FRMPD4: variants seen among roughly 807,000 people sequenced by gnomAD.
FRMPD4 encodes the protein FERM and PDZ domain containing 4, also known as FERM and PDZ domain-containing protein 4.
In FRMPD4, 22 loss-of-function variants were observed where a neutral mutation model predicts 94.1. That is an observed-to-expected ratio of 0.23 (90% confidence interval 0.17 to 0.33). FRMPD4 has a LOEUF of 0.33. Ranked by LOEUF, FRMPD4 falls within the 10% of genes least tolerant of loss-of-function variation. FRMPD4 has a pLI of 1.00. For synonymous variants in FRMPD4, 631 were observed against 548.6 expected (o/e 1.15, Z -2.10); for missense variants, 1,111 against 1,339.9 (o/e 0.83, Z 2.67).
rs374346475 is a variant in FRMPD4 at position 12,506,021 on chromosome X, C to T, written c.158+7225C>T. 8.9e-5 allele frequency among the ~76,000 whole-genome samples: 10 copies of T among 111,850 alleles called. No individual in the cohort carries two copies. The East Asian group carries it at 2.8e-3, about 32-fold the overall frequency. ...TCACATATTTGCTGCACGGAGCATG[C>T]CCTCCGGCTGCTCCATAAACACAGG... On this transcript the variant is annotated intron_variant, in intron 2 of 16. Coordinates refer to ENST00000675598, the MANE Select transcript of FRMPD4 (RefSeq NM_001368397.1).
chrX:12,644,701 C>T (rs2059532003), intron 4 of FRMPD4, among the ~76,000 whole-genome samples: 1 of 111,912 alleles, frequency 8.9e-6, no homozygotes, highest in Non-Finnish European at 1.9e-5. Flanking sequence ...TCTCCTTAAG[C>T]AGCAGACCCA....
At chrX:12,372,223 G>A (rs1383966526) in intron 1 of FRMPD4, among the ~76,000 whole-genome samples, 2 of 112,449 alleles carry the variant, frequency 1.8e-5, no homozygotes, top group Admixed American at 9.4e-5. Flanking sequence ...TGTCAGCCAC[G>A]GGCAGCTTCC....
At chrX:11,863,268 A>G (rs955265742) in intron 1 of FRMPD4, among the ~76,000 whole-genome samples, 1 of 107,918 alleles carries the variant, frequency 9.3e-6, no homozygotes, top group African/African-American at 3.4e-5. Context: ...GAGAACATGC[A>G]GTGTTTGGTT....
In FRMPD4 at chrX:12,724,473, A is replaced by G. The variant is rs1853331112; in HGVS notation, c.*2615A>G. 1 of 111,987 alleles carries G rather than the reference A, an allele frequency of 8.9e-6. No homozygotes were observed. Among genetic ancestry groups the G allele is most frequent in the African/African-American group, 3.2e-5 (1 of 30,845 alleles). The allele number at this position is 111,987 out of a possible 1,213,427, so 9.2% of individuals were successfully genotyped here. A position where few individuals can be genotyped will look rare whatever the true frequency, so the allele number is the denominator to read the frequency against. On this transcript the variant is annotated 3_prime_UTR_variant, in exon 17 of 17. Transcript: ENST00000675598. ...TGTTTTATAATGGCATAATAGTACA[A>G]TGGTACATGTACATAATTTTAAATA...
At chrX:12,208,719 A>G (rs940153233) in intron 1 of FRMPD4, among the ~76,000 whole-genome samples, 2 of 112,203 alleles carry the variant, frequency 1.8e-5, no homozygotes, top group Admixed American at 1.9e-4. Context: ...AAATTAAAGT[A>G]GTAATGAACC....
chrX:12,327,154 T>G (rs1313189377), intron 1 of FRMPD4, among the ~76,000 whole-genome samples: 8 of 111,694 alleles, frequency 7.2e-5, no homozygotes, highest in Non-Finnish European at 1.9e-5. Context: ...TTCTTTATTG[T>G]CATTTAAAAT....
chrX:12,556,757 A>G (rs1347545975), intron 2 of FRMPD4, among the ~76,000 whole-genome samples: 1 of 112,276 alleles, frequency 8.9e-6, no homozygotes, highest in Non-Finnish European at 1.9e-5. Flanking sequence ...ATGCATGTGT[A>G]GGAGCCAATG....
rs1220420108 is a variant in FRMPD4 at position 12,489,676 on chromosome X, ATTACCGCTAAAGGCAACAGACT to A, written c.42-9003_42-8982del. 3.6e-5 allele frequency among the ~76,000 whole-genome samples: 4 copies of A among 112,344 alleles called. No homozygotes were observed. In the South Asian group the frequency reaches 1.5e-3, roughly 42 times the overall value. On this transcript the variant is annotated intron_variant, in intron 1 of 16. Coordinates refer to ENST00000675598, the MANE Select transcript of FRMPD4 (RefSeq NM_001368397.1). ...CCTGAGAGCAATACACAGGTTCCAT[ATTACCGCTAAAGGCAACAGACT>A]GGGTCCTAAATGAAGCAAGAAAAAG...
intron 1 of FRMPD4, among the ~76,000 whole-genome samples, chrX:12,362,427 A>C (rs909841868): frequency 9.1e-6 from 1 of 110,320 alleles, no homozygotes; most frequent in African/African-American, 3.3e-5. Flanking sequence ...TCATTGTTCA[A>C]TTCCCACCTA....
chrX:12,123,611 C>A lies in FRMPD4; in HGVS notation c.95+245593C>A, dbSNP rs770784812. Among the ~76,000 whole-genome samples, 6 of 112,060 alleles carry A rather than the reference C, an allele frequency of 5.4e-5. No individual in the cohort carries two copies. In the East Asian group the frequency reaches 1.7e-3, roughly 31 times the overall value. ...TTGTCCTATAGCAAAGTTTCTCAAC[C>A]TCAACACTATTGACAACTGAATGGA... On this transcript the variant is annotated intron_variant, in intron 3 of 18. Transcript: ENST00000640291.
chrX:12,032,340 A>T (rs2054696915), intron 3 of FRMPD4, among the ~76,000 whole-genome samples: 1 of 112,236 alleles, frequency 8.9e-6, no homozygotes, highest in Non-Finnish European at 1.9e-5. Context: ...TTGTACAGGA[A>T]CATTGCAAGA....
intron 1 of FRMPD4, among the ~76,000 whole-genome samples, chrX:12,406,291 G>C (rs2056665981): frequency 8.9e-6 from 1 of 111,838 alleles, no homozygotes; most frequent in Non-Finnish European, 1.9e-5. Flanking sequence ...TTTCTGTCTT[G>C]TATTTCAAGA....
At chrX:12,052,702 G>A (rs762719815) in intron 3 of FRMPD4, among the ~76,000 whole-genome samples, 2 of 110,547 alleles carry the variant, frequency 1.8e-5, no homozygotes, top group African/African-American at 3.3e-5. Flanking sequence ...CTAATATTTT[G>A]TGTCTCAAAA....
At chrX:12,464,941 T>C (rs1035137974) in intron 1 of FRMPD4, among the ~76,000 whole-genome samples, 3 of 112,034 alleles carry the variant, frequency 2.7e-5, no homozygotes, top group Non-Finnish European at 5.6e-5. Context: ...TATTTTTCCA[T>C]TCCAATTTAG....
At chrX:11,916,641 C>T (rs1414142172) in intron 3 of FRMPD4, among the ~76,000 whole-genome samples, 2 of 111,382 alleles carry the variant, frequency 1.8e-5, no homozygotes, top group Non-Finnish European at 3.8e-5. Context: ...ACAATGCTGA[C>T]AGTGCCTTGC....
In FRMPD4 at chrX:12,185,332, C is replaced by T. The variant is rs182989544; in HGVS notation, c.41+46320C>T. On this transcript the variant is annotated intron_variant, in intron 1 of 16. Coordinates refer to ENST00000675598, the MANE Select transcript of FRMPD4 (RefSeq NM_001368397.1). ...GAAGTGGTTATTGACCACGGGTGAACAAATGACTCACTTGGGGAGATTCTA... is the reference window on the plus strand; with the variant it reads ...GAAGTGGTTATTGACCACGGGTGAATAAATGACTCACTTGGGGAGATTCTA... Among the ~76,000 whole-genome samples, 3 of 111,677 alleles carry T rather than the reference C, an allele frequency of 2.7e-5. No individual in the cohort carries two copies. In the East Asian group the frequency reaches 8.5e-4, roughly 32 times the overall value.
At chrX:12,023,512 G>A (rs952486410) in intron 3 of FRMPD4, among the ~76,000 whole-genome samples, 1 of 111,848 alleles carries the variant, frequency 8.9e-6, no homozygotes, top group Non-Finnish European at 1.9e-5. Flanking sequence ...ACCATTGCTT[G>A]TAATTTCTTT....
At chrX:11,983,578 C>T (rs1482979562) in intron 3 of FRMPD4, among the ~76,000 whole-genome samples, 2 of 111,599 alleles carry the variant, frequency 1.8e-5, no homozygotes, top group Non-Finnish European at 3.8e-5. Context: ...TAGTCATTTT[C>T]ATCAGAAGGA....
intron 12 of FRMPD4, 112 bp downstream of exon 12, chrX:12,707,027 A>G (rs918904651): frequency 2.3e-6 from 1 of 440,449 alleles, no homozygotes; most frequent in Non-Finnish European, 3.9e-6. Context: ...CTTCATTTCT[A>G]ACCAACTTCA....
Sources: gnomAD v4.1 joint callset for allele counts (sites outside exome capture counted in the v4.1 genomes callset) on GRCh38, gnomAD v4.1.1 for gene constraint, MANE v1.5 for transcripts, NCBI Gene and HGNC (gene_info 2026-07-23, HGNC 2026-07-21) for gene names.